Variants in SCARB2 observed in about 807,000 individuals in gnomAD.
SCARB2 encodes the protein lysosome membrane protein 2.
Under a neutral mutation model 58.6 loss-of-function variants are expected in SCARB2, and 29 were observed. The observed-to-expected ratio is 0.49, with a 90% CI of 0.37 to 0.67. SCARB2 has a LOEUF of 0.67. Among genes scored for constraint, SCARB2 ranks in the 30% least tolerant of loss-of-function variants. The probability of loss-of-function intolerance (pLI) is 0.00; values close to 1 mark genes in which losing one functional copy is unlikely to be tolerated. For missense variants in SCARB2, 488 were observed against 578.5 expected (o/e 0.84, Z 1.60); for synonymous variants, 195 against 210.1 (o/e 0.93, Z 0.62).
At chr4:76,175,531 A>C in intron 6 of SCARB2, 2 of 481,788 alleles carry the variant, frequency 4.2e-6, no homozygotes, top group Non-Finnish European at 7.6e-6. Flanking sequence ...CAAATAAGGA[A>C]AGTGAGGTAC....
In SCARB2 at chr4:76,179,544, G is replaced by T. The variant is rs975224340; in HGVS notation, c.585C>A (p.Ile195=). Residue 195 remains isoleucine, a synonymous_variant, in exon 4 of 12, where the codon ATC becomes ATA. Coordinates refer to ENST00000264896, the MANE Select transcript of SCARB2 (RefSeq NM_005506.4). ...CATAGAATAGGCCAAAATAGGGAGA[G>T]ATATCGGGCCTGAAAACATGGATAA... ...LSLIHVFRPD[I]SPYFGLFYEK... 6.8e-6 allele frequency: 11 copies of T among 1,613,982 alleles called. No homozygotes were observed. Among genetic ancestry groups the T allele is most frequent in the Non-Finnish European group, 9.3e-6 (11 of 1,179,946 alleles).
intron 9 of SCARB2, among the ~76,000 whole-genome samples, chr4:76,167,527 A>G (rs979496771): frequency 3.9e-5 from 6 of 152,122 alleles, no homozygotes; most frequent in African/African-American, 1.4e-4. Context: ...TCCTTCTGCC[A>G]TGAGCAAAAG....
At chr4:76,233,178 T>G (rs960612691) in intron 1 of SCARB2, among the ~76,000 whole-genome samples, 1 of 152,236 alleles carries the variant, frequency 6.6e-6, no homozygotes, top group Non-Finnish European at 1.5e-5. Context: ...TCCTAGAATT[T>G]TTAACGTTAA....
At chr4:76,213,280 C>T (rs1733100019) in intron 1 of SCARB2, 147 bp downstream of exon 1, 2 of 707,790 alleles carry the variant, frequency 2.8e-6, no homozygotes, top group South Asian at 3.0e-5. Flanking sequence ...CCCTCGCCTA[C>T]CAAGCCCTGG....
chr4:76,227,682 CAT>C (rs1344728579), intron 1 of SCARB2, among the ~76,000 whole-genome samples: 1 of 152,040 alleles, frequency 6.6e-6, no homozygotes, highest in African/African-American at 2.4e-5. Context: ...TCTAGTAATA[CAT>C]GTTTTATAAA....
chr4:76,227,661 C>T (rs1303935200), intron 1 of SCARB2, among the ~76,000 whole-genome samples: 2 of 152,156 alleles, frequency 1.3e-5, no homozygotes, highest in African/African-American at 4.8e-5. Flanking sequence ...CCATCTATCT[C>T]ATTTCTTAGG....
At chr4:76,231,721 T>G (rs903720595) in intron 1 of SCARB2, among the ~76,000 whole-genome samples, 1 of 152,220 alleles carries the variant, frequency 6.6e-6, no homozygotes, top group Non-Finnish European at 1.5e-5. Flanking sequence ...AGCCCAGGCA[T>G]GGGTTTATCC....
intron 1 of SCARB2, among the ~76,000 whole-genome samples, chr4:76,206,543 T>C (rs1732934437): frequency 6.6e-6 from 1 of 152,014 alleles, no homozygotes; most frequent in Non-Finnish European, 1.5e-5. Context: ...AACAACAAAA[T>C]GCAAACAAAA....
chr4:76,186,579 G>A (rs1732492279), intron 2 of SCARB2, among the ~76,000 whole-genome samples: 1 of 152,154 alleles, frequency 6.6e-6, no homozygotes, highest in South Asian at 2.1e-4. Context: ...AGAAGAAGTG[G>A]TAAGAGCAGG....
chr4:76,199,635 G>A (rs1185993465), intron 1 of SCARB2, among the ~76,000 whole-genome samples: 1 of 152,110 alleles, frequency 6.6e-6, no homozygotes, highest in Non-Finnish European at 1.5e-5. Flanking sequence ...ATTTTATTTG[G>A]CAACTCTAGC....
At chr4:76,227,630 G>A (rs1353795311) in intron 1 of SCARB2, among the ~76,000 whole-genome samples, 1 of 152,106 alleles carries the variant, frequency 6.6e-6, no homozygotes, top group Non-Finnish European at 1.5e-5. Context: ...GAGTATTGAA[G>A]TCCCCACTAT....
chr4:76,218,374 G>A (rs779917681), upstream of SCARB2, among the ~76,000 whole-genome samples: 4 of 152,144 alleles, frequency 2.6e-5, no homozygotes, highest in Non-Finnish European at 5.9e-5. Flanking sequence ...TTACATTACA[G>A]AACTGCTTTA....
chr4:76,234,134 G>A (rs1333673012), intron 1 of SCARB2, among the ~76,000 whole-genome samples: 1 of 152,144 alleles, frequency 6.6e-6, no homozygotes. Context: ...GGGAGGGGAG[G>A]GTGGAGGGGA....
intron 1 of SCARB2, among the ~76,000 whole-genome samples, chr4:76,211,983 C>T (rs564661125): frequency 6.6e-6 from 1 of 152,260 alleles, no homozygotes; most frequent in East Asian, 1.9e-4. Context: ...ACAGCCACCC[C>T]CTCACCCAGA....
intron 1 of SCARB2, among the ~76,000 whole-genome samples, chr4:76,206,543 T>A (rs1732934437): frequency 6.6e-6 from 1 of 152,014 alleles, no homozygotes; most frequent in Non-Finnish European, 1.5e-5. Flanking sequence ...AACAACAAAA[T>A]GCAAACAAAA....
chr4:76,226,562 T>C (rs916430566), intron 1 of SCARB2, among the ~76,000 whole-genome samples: 1 of 152,056 alleles, frequency 6.6e-6, no homozygotes, highest in African/African-American at 2.4e-5. Flanking sequence ...CCTTCCACTC[T>C]TTGGCACAGA....
At chr4:76,184,269 C>T (rs35783378) in intron 2 of SCARB2, among the ~76,000 whole-genome samples, 16,087 of 152,164 alleles carry the variant, frequency 0.11, 1,042 homozygotes, top group East Asian at 0.21. Context: ...CTAACAGGTA[C>T]CTAAGAAACG....
intron 1 of SCARB2, among the ~76,000 whole-genome samples, chr4:76,206,083 G>A (rs1732925605): frequency 6.6e-6 from 1 of 152,122 alleles, no homozygotes; most frequent in African/African-American, 2.4e-5. Flanking sequence ...CCTCTCGAAT[G>A]GGATTAGTTC....
rs551451507 is a variant in SCARB2 at position 76,160,780 on chromosome 4, A to G, written c.*933T>C. 16 of 152,336 alleles carry G rather than the reference A, an allele frequency of 1.1e-4. No individual in the cohort carries two copies. Among genetic ancestry groups the G allele is most frequent in the African/African-American group, 3.6e-4 (15 of 41,578 alleles). The allele number at this position is 152,336 out of a possible 1,614,324, so 9.4% of individuals were successfully genotyped here. A position where few individuals can be genotyped will look rare whatever the true frequency, so the allele number is the denominator to read the frequency against. ...GATAGATGGATTTCCCATATTCATA[A>G]TTTTACAAATAATCACTCAATATTA... On this transcript the variant is annotated 3_prime_UTR_variant, in exon 12 of 12. Coordinates refer to ENST00000264896, the MANE Select transcript of SCARB2 (RefSeq NM_005506.4).
Sources: allele counts gnomAD v4.1 joint callset (sites outside exome capture counted in the v4.1 genomes callset), GRCh38; gene constraint gnomAD v4.1.1; transcripts MANE v1.5; gene names NCBI Gene and HGNC (gene_info 2026-07-23, HGNC 2026-07-21).